The following PCDHGA1 variants were observed in gnomAD, a reference collection of about 807,000 sequenced individuals.
The protein encoded by PCDHGA1 is protocadherin gamma subfamily A, 1.
PCDHGA1 carries 32 observed loss-of-function variants against 58.0 expected under a neutral mutation model. The ratio of observed to expected loss-of-function variants is 0.55; its 90% CI spans 0.42 to 0.74. The LOEUF (loss-of-function observed/expected upper bound fraction) is 0.74, where lower values mean the gene tolerates loss of function less well. PCDHGA1 is among the 30% of genes least tolerant of loss of function. The pLI is 0.00. For synonymous variants in PCDHGA1, 498 were observed against 501.1 expected, an observed-to-expected ratio of 0.99 and a Z score of 0.08; for missense variants, 1,205 against 1,182.3, an observed-to-expected ratio of 1.02 and a Z score of -0.28.
chr5:141,383,108 G>A, intron 1 of PCDHGA1: 2 of 1,614,020 alleles, frequency 1.2e-6, no homozygotes, highest in African/African-American at 2.7e-5. Flanking sequence ...ATCTCCAGAG[G>A]TAGGACGCAG....
At chr5:141,339,861 C>T (rs1225796950) in intron 1 of PCDHGA1, 1 of 1,614,026 alleles carries the variant, frequency 6.2e-7, no homozygotes, top group East Asian at 2.2e-5. Context: ...CTTAAGTCAA[C>T]ATCTGGAGAA....
Position 141,422,497 on chromosome 5 carries a change from A to G in PCDHGA1, c.2422-72310A>G, listed in dbSNP as rs1257927470. 1.9e-6 allele frequency: 3 copies of G among 1,613,874 alleles called. No homozygotes were observed. In the African/African-American group the frequency reaches 4.0e-5, roughly 22 times the overall value. On this transcript the variant is annotated intron_variant, in intron 1 of 3. Transcript: ENST00000517417. Reference sequence around the variant, plus strand: ...GGTCCAGAGCTACAATATAACGTTGACAGCCACAGACCAGGGAAGCCCGCC... The same window carrying G: ...GGTCCAGAGCTACAATATAACGTTGGCAGCCACAGACCAGGGAAGCCCGCC...
At chr5:141,384,278 A>T in intron 1 of PCDHGA1, 1 of 1,613,842 alleles carries the variant, frequency 6.2e-7, no homozygotes, top group Non-Finnish European at 8.5e-7. Context: ...TACTCAGTCT[A>T]CATCGCTGAG....
chr5:141,403,247 A>T, intron 1 of PCDHGA1: 1 of 1,613,910 alleles, frequency 6.2e-7, no homozygotes, highest in Middle Eastern at 1.6e-4. Flanking sequence ...CTGTGCTCAG[A>T]GCCCGCGGTG....
At chr5:141,355,699 C>G in intron 1 of PCDHGA1, 1 of 1,613,950 alleles carries the variant, frequency 6.2e-7, no homozygotes, top group African/African-American at 1.3e-5. Flanking sequence ...TGTAAACTCC[C>G]TGCAGGGTTA....
At chr5:141,454,964 C>T (rs1283179107) in intron 1 of PCDHGA1, among the ~76,000 whole-genome samples, 10 of 151,622 alleles carry the variant, frequency 6.6e-5, no homozygotes, top group African/African-American at 2.4e-4. Flanking sequence ...CCGGCCACCA[C>T]GCCTGGCTAA....
At chr5:141,383,164 A>G (rs1778887278) in intron 1 of PCDHGA1, 1 of 1,614,016 alleles carries the variant, frequency 6.2e-7, no homozygotes, top group Non-Finnish European at 8.5e-7. Context: ...CACTGCGGGC[A>G]GGATAGACCG....
rs1301800438 is a variant in PCDHGA1, at chr5:141,432,966, C to T, written c.2422-61841C>T. ...TCAGGAGGCGGCTTGACAGGAGCGC[C>T]GGCGTCGCACTTTGTGGGCGTGGAC... On this transcript the variant is annotated intron_variant, in intron 1 of 3. Coordinates refer to ENST00000517417, the MANE Select transcript of PCDHGA1 (RefSeq NM_018912.3). This position sits in a 1 kb window ranked among gnomAD's most constrained non-coding sequence, Gnocchi z 6.0. 1.2e-6 allele frequency: 2 copies of T among 1,614,066 alleles called. No homozygotes were observed. The highest frequency in any genetic ancestry group is 8.5e-7 in the Non-Finnish European group (1 of 1,180,052).
chr5:141,366,378 A>T, intron 1 of PCDHGA1: 1 of 1,613,986 alleles, frequency 6.2e-7, no homozygotes, highest in Middle Eastern at 1.6e-4. Context: ...ACCCCCATTG[A>T]CCCTGAGGAT....
chr5:141,369,352 G>A (rs1265381304), intron 1 of PCDHGA1, among the ~76,000 whole-genome samples: 1 of 152,116 alleles, frequency 6.6e-6, no homozygotes, highest in East Asian at 1.9e-4. Flanking sequence ...TTGTGATGTA[G>A]TATGAAAAAA....
At chr5:141,351,041 G>A (rs975493173) in intron 1 of PCDHGA1, 6 of 1,614,078 alleles carry the variant, frequency 3.7e-6, no homozygotes, top group East Asian at 2.2e-5. Context: ...CGTGCTGCGG[G>A]TGATGGCCAC....
At chr5:141,360,282 C>T (rs777627634) in intron 1 of PCDHGA1, 1 of 1,613,984 alleles carries the variant, frequency 6.2e-7, no homozygotes, top group Non-Finnish European at 8.5e-7. Flanking sequence ...TCGTAGGAAA[C>T]CTCGCCAAGG....
chr5:141,486,803 C>T lies in PCDHGA1; in HGVS notation c.2422-8004C>T. 1 of 1,614,228 alleles carries T rather than the reference C, an allele frequency of 6.2e-7. No homozygotes were observed. Among genetic ancestry groups the T allele is most frequent in the South Asian group, 1.1e-5 (1 of 91,084 alleles). ...GCAGGCCCGGGATCGGGGCAACCCACCCCTTAGCAGCACTGTAACAGTTCG... is the reference window on the plus strand; with the variant it reads ...GCAGGCCCGGGATCGGGGCAACCCATCCCTTAGCAGCACTGTAACAGTTCG... On this transcript the variant is annotated intron_variant, in intron 1 of 3. Coordinates refer to ENST00000517417, the MANE Select transcript of PCDHGA1 (RefSeq NM_018912.3). The surrounding 1 kb of genome is among the most constrained non-coding windows in gnomAD (Gnocchi z 5.0).
chr5:141,384,609 T>C (rs967686346), intron 1 of PCDHGA1: 1 of 1,614,148 alleles, frequency 6.2e-7, no homozygotes, highest in South Asian at 1.1e-5. Context: ...TCCCCACAGA[T>C]GGTTCTACTG....
chr5:141,471,631 G>A (rs573080972), intron 1 of PCDHGA1: 7 of 152,188 alleles, frequency 4.6e-5, no homozygotes, highest in African/African-American at 9.6e-5. Flanking sequence ...CATTGGTATG[G>A]ATTAGTAATA....
intron 1 of PCDHGA1, chr5:141,403,040 C>T: frequency 1.2e-6 from 2 of 1,614,068 alleles, no homozygotes; most frequent in Non-Finnish European, 1.7e-6. Context: ...CAGGGCCAGT[C>T]AGATTCGCTA....
intron 1 of PCDHGA1, chr5:141,372,002 C>T (rs1010544928): frequency 3.1e-6 from 5 of 1,613,170 alleles, no homozygotes; most frequent in Non-Finnish European, 4.2e-6. Context: ...AGGCCCGCGA[C>T]CAGGGCTCGC....
Position 141,476,383 on chromosome 5 carries a change from C to G in PCDHGA1, c.2422-18424C>G, listed in dbSNP as rs547854431. ...GGGAGACCGGAGAGATGTTTGTGAACGACCGTCTGGATCGAGAGGAGCTGT... is the reference window on the plus strand; with the variant it reads ...GGGAGACCGGAGAGATGTTTGTGAAGGACCGTCTGGATCGAGAGGAGCTGT... On this transcript the variant is annotated intron_variant, in intron 1 of 3. Transcript: ENST00000517417. The surrounding 1 kb of genome is among the most constrained non-coding windows in gnomAD (Gnocchi z 7.6). 1.2e-6 allele frequency: 2 copies of G among 1,614,102 alleles called. No homozygotes were observed. Among genetic ancestry groups the G allele is most frequent in the Middle Eastern group, 3.3e-4 (2 of 6,062 alleles).
rs1232672788 is a variant in PCDHGA1, at chr5:141,431,315, G to A, written c.2422-63492G>A. The A allele has an allele frequency of 6.2e-7, 1 of 1,614,080 alleles. No individual in the cohort carries two copies. Among genetic ancestry groups the A allele is most frequent in the South Asian group, 1.1e-5 (1 of 91,078 alleles). On this transcript the variant is annotated intron_variant, in intron 1 of 3. Coordinates refer to ENST00000517417, the MANE Select transcript of PCDHGA1 (RefSeq NM_018912.3). The surrounding 1 kb of genome is among the most constrained non-coding windows in gnomAD (Gnocchi z 4.8). ...CTTCTCCCTCATCGTGCAAAATGGAGCCGACGGTAGTAAGTACCCCGAATT... is the reference window on the plus strand; with the variant it reads ...CTTCTCCCTCATCGTGCAAAATGGAACCGACGGTAGTAAGTACCCCGAATT...
Sources: allele counts gnomAD v4.1 joint callset (sites outside exome capture counted in the v4.1 genomes callset), GRCh38; gene constraint gnomAD v4.1.1; non-coding constraint Gnocchi (gnomAD v3.1); transcripts MANE v1.5; gene names NCBI Gene and HGNC (gene_info 2026-07-23, HGNC 2026-07-21).